NELFA: variants seen among roughly 807,000 people sequenced by gnomAD.
The protein encoded by NELFA is negative elongation factor A.
A neutral mutation model predicts 51.8 loss-of-function variants in NELFA; 35 were observed. That is an observed-to-expected ratio of 0.68 (90% CI 0.52 to 0.90). The LOEUF is 0.90. NELFA is among the 40% of genes least tolerant of loss of function. NELFA has a pLI of 0.00. For synonymous variants in NELFA, 417 were observed against 338.4 expected (o/e 1.23, Z -2.55); for missense variants, 658 against 746.4 (o/e 0.88, Z 1.38).
intron 1 of NELFA, among the ~76,000 whole-genome samples, chr4:1,997,246 T>C (rs1449347824): frequency 2.6e-5 from 4 of 152,130 alleles, no homozygotes; most frequent in Non-Finnish European, 5.9e-5. Flanking sequence ...ACTCCATTAG[T>C]AAACAAACTT....
Position 1,983,871 on chromosome 4 carries a change from G to A in NELFA, c.1279C>T (p.Pro427Ser). Residue 427 changes from proline (P) to serine (S), a missense_variant, in exon 9 of 11, where the codon CCT (proline) becomes TCT (serine). Pro to Ser is a moderately conservative substitution (Grantham distance 74). Around this residue, in one of 3 missense-constraint regions of NELFA, gnomAD observed 200 missense variants for 167.9 expected, o/e 1.19. Coordinates refer to ENST00000382882, the MANE Select transcript of NELFA (RefSeq NM_005663.5). ...ACCGTGAGGGACAGGTTCTTCTTAG[G>A]CTGCTGCTGAGCAGGGGCCTGGGTC... ...PQTQAPAQQQ[P>S]KKNLSLTREQ... The A allele has an allele frequency of 1.9e-6, 3 of 1,582,344 alleles. No individual in the cohort carries two copies. Among genetic ancestry groups the A allele is most frequent in the Non-Finnish European group, 2.6e-6 (3 of 1,164,190 alleles).
At chr4:1,997,647 A>G (rs1057172811) in intron 1 of NELFA, among the ~76,000 whole-genome samples, 4 of 152,370 alleles carry the variant, frequency 2.6e-5, no homozygotes, top group Admixed American at 2.6e-4. Context: ...GAAAATCACT[A>G]TGGAGAAAGT....
At chr4:2,008,655 G>T in intron 1 of NELFA, 95 bp downstream of exon 1, 1 of 1,434,602 alleles carries the variant, frequency 7.0e-7, no homozygotes, top group South Asian at 1.3e-5. Flanking sequence ...TGGGAAGGTT[G>T]GGGGAGGGAG....
At position 2,002,073 on chromosome 4, in the gene NELFA, G is replaced by A. The variant is rs566280133; in HGVS notation, c.210+6677C>T. On this transcript the variant is annotated intron_variant, in intron 1 of 10. Coordinates refer to ENST00000382882, the MANE Select transcript of NELFA (RefSeq NM_005663.5). Reference sequence around the variant, plus strand: ...AAATTAGCCAGGCATGGTGGCGGGCGCCTGTAGTCCCAGCTACTAGGGAGG... The same window carrying A: ...AAATTAGCCAGGCATGGTGGCGGGCACCTGTAGTCCCAGCTACTAGGGAGG... 3.9e-3 allele frequency among the ~76,000 whole-genome samples: 587 copies of A among 151,770 alleles called. 7 individuals are homozygous for A. Among genetic ancestry groups the A allele is most frequent in the African/African-American group, 0.014 (562 of 41,360 alleles).
intron 2 of NELFA, chr4:1,990,107 A>C: frequency 1.8e-6 from 1 of 560,236 alleles, no homozygotes; most frequent in Non-Finnish European, 3.2e-6. Context: ...GTAAACTGGA[A>C]ACCTCTGGCA....
intron 7 of NELFA, among the ~76,000 whole-genome samples, chr4:1,985,245 A>G (rs495367): frequency 0.37 from 56,957 of 152,160 alleles, 11,076 homozygotes; most frequent in African/African-American, 0.47. Flanking sequence ...GTTAAGAAAC[A>G]CAGAACACGC....
intron 1 of NELFA, among the ~76,000 whole-genome samples, chr4:2,008,255 G>T (rs1466749296): frequency 6.6e-6 from 1 of 152,144 alleles, no homozygotes; most frequent in Non-Finnish European, 1.5e-5. Context: ...GCACGGTGGG[G>T]GATTAGGGTG....
intron 1 of NELFA, among the ~76,000 whole-genome samples, chr4:1,994,874 A>T (rs906505989): frequency 1.3e-5 from 2 of 152,154 alleles, no homozygotes; most frequent in African/African-American, 4.8e-5. Context: ...AATTAAAAAT[A>T]AAAAGACACA....
At chr4:2,008,036 A>G (rs1271274757) in intron 1 of NELFA, 1 of 456,942 alleles carries the variant, frequency 2.2e-6, no homozygotes. Flanking sequence ...AGCGCTCCGG[A>G]CGGCCGGGGT....
chr4:1,986,580 G>C, intron 4 of NELFA, 178 bp from the exon 5 acceptor site: 1 of 948,448 alleles, frequency 1.1e-6, no homozygotes, highest in Non-Finnish European at 1.5e-6. Context: ...GGGAACGCCT[G>C]GAGCCACGAC....
At chr4:1,998,249 T>C (rs1001914069) in intron 1 of NELFA, among the ~76,000 whole-genome samples, 2 of 151,690 alleles carry the variant, frequency 1.3e-5, no homozygotes, top group Non-Finnish European at 2.9e-5. Context: ...CTCCAAATGA[T>C]CACAATGTCT....
rs1727988561 is a variant in NELFA, at chr4:1,983,870, GGCT to G, written c.1277_1279del (p.Gln426del). ...TACCGTGAGGGACAGGTTCTTCTTA[GGCT>G]GCTGCTGAGCAGGGGCCTGGGTCTG... On this transcript the variant is annotated inframe_deletion, in exon 9 of 11. Coordinates refer to ENST00000382882, the MANE Select transcript of NELFA (RefSeq NM_005663.5). 1 of 1,581,820 alleles carries G rather than the reference GGCT, an allele frequency of 6.3e-7. No individual in the cohort carries two copies. The highest frequency in any genetic ancestry group is 8.6e-7 in the Non-Finnish European group (1 of 1,163,988).
intron 1 of NELFA, chr4:2,003,714 A>G (rs1728633898): frequency 1.3e-5 from 2 of 152,058 alleles, no homozygotes; most frequent in Non-Finnish European, 2.9e-5. Flanking sequence ...GGGGAACAAC[A>G]CACACCAGGG....
intron 1 of NELFA, among the ~76,000 whole-genome samples, chr4:2,005,473 C>A (rs1728686379): frequency 1.3e-5 from 2 of 152,116 alleles, no homozygotes; most frequent in Non-Finnish European, 2.9e-5. Context: ...TAGTGGCTCA[C>A]CTGAGGTCAG....
intron 7 of NELFA, among the ~76,000 whole-genome samples, chr4:1,985,557 G>A (rs533461087): frequency 2.0e-5 from 3 of 152,340 alleles, no homozygotes; most frequent in South Asian, 2.1e-4. Context: ...TCCAGCAAGC[G>A]TGGGGCAGGT....
At chr4:1,998,390 G>A (rs915528437) in intron 1 of NELFA, among the ~76,000 whole-genome samples, 1 of 151,936 alleles carries the variant, frequency 6.6e-6, no homozygotes, top group Non-Finnish European at 1.5e-5. Flanking sequence ...ATGCAAAGAA[G>A]CTAAGAACCT....
At position 1,983,466 on chromosome 4, in the gene NELFA, G is replaced by A; in HGVS notation, c.1440C>T (p.Ile480=). 2 of 1,614,164 alleles carry A rather than the reference G, an allele frequency of 1.2e-6. No homozygotes were observed. Among genetic ancestry groups the A allele is most frequent in the African/African-American group, 1.3e-5 (1 of 75,064 alleles). Residue 480 remains isoleucine, a synonymous_variant, in exon 11 of 11, where the codon ATC becomes ATT. Coordinates refer to ENST00000382882, the MANE Select transcript of NELFA (RefSeq NM_005663.5). ...GGTCCTCCGTGTGCTCGCTCAGCTT[G>A]ATCTGGATCACGTCCCCCTGCTCCT... is the stretch of plus-strand genomic sequence containing the variant. ...PCQEQGDVIQ[I]KLSEHTEDLP...
intron 1 of NELFA, chr4:2,007,144 C>G (rs1226149998): frequency 4.6e-6 from 2 of 433,564 alleles, no homozygotes; most frequent in Non-Finnish European, 9.4e-6. Flanking sequence ...GAGGTCAAGG[C>G]TGCAGTGAGT....
intron 1 of NELFA, 104 bp from the exon 2 acceptor site, chr4:1,991,819 G>T (rs1577619607): frequency 8.0e-7 from 1 of 1,251,766 alleles, no homozygotes; most frequent in East Asian, 2.4e-5. Flanking sequence ...GGGCTCTCTG[G>T]CAGTTGCCCC....
Sources: allele counts gnomAD v4.1 joint callset (sites outside exome capture counted in the v4.1 genomes callset), GRCh38; gene constraint gnomAD v4.1.1; regional missense constraint gnomAD v4.1.1; transcripts MANE v1.5; gene names NCBI Gene and HGNC (gene_info 2026-07-23, HGNC 2026-07-21).